DTNB: variants seen among roughly 807,000 people sequenced by gnomAD.
DTNB encodes the protein DTN-B.
Under a neutral mutation model 90.7 loss-of-function variants are expected in DTNB, and 63 were observed. That is an observed-to-expected ratio of 0.69 (90% confidence interval 0.57 to 0.86). The LOEUF (loss-of-function observed/expected upper bound fraction) is 0.86. Among genes scored for constraint, DTNB ranks in the 40% least tolerant of loss-of-function variants. The probability of loss-of-function intolerance (pLI) is 0.00; values close to 1 mark genes in which losing one functional copy is unlikely to be tolerated. For missense variants in DTNB, 744 were observed against 807.1 expected, an observed-to-expected ratio of 0.92 and a Z score of 0.95; for synonymous variants, 277 against 286.7, an observed-to-expected ratio of 0.97 and a Z score of 0.34.
intron 10 of DTNB, among the ~76,000 whole-genome samples, chr2:25,459,400 C>T (rs183858285): frequency 2.0e-5 from 3 of 151,870 alleles, no homozygotes; most frequent in East Asian, 1.9e-4. Flanking sequence ...TCATTTCGGA[C>T]GTTATCCCTT....
chr2:25,672,421 T>C (rs964771768), intron 1 of DTNB, among the ~76,000 whole-genome samples: 24 of 152,114 alleles, frequency 1.6e-4, no homozygotes, highest in African/African-American at 5.6e-4. Context: ...TCAATAGTCA[T>C]GGAGCTTATT....
chr2:25,535,149 C>T (rs1373383422), intron 8 of DTNB, among the ~76,000 whole-genome samples: 2 of 139,584 alleles, frequency 1.4e-5, no homozygotes, highest in Non-Finnish European at 3.1e-5. Context: ...CCATTCGGGG[C>T]AACCGGGCAG....
Position 25,387,193 on chromosome 2 carries a change from T to C in DTNB, c.1825+96A>G. The C allele has an allele frequency of 8.5e-7, 1 of 1,178,906 alleles. No homozygotes were observed. Among genetic ancestry groups the C allele is most frequent in the Non-Finnish European group, 1.2e-6 (1 of 822,182 alleles). The allele number at this position is 1,178,906 out of a possible 1,614,324, so 73.0% of individuals were successfully genotyped here. ...GGTGATGAAATGGGGTGGTGCAAGC[T>C]GGGTGGTGAGGTTCTGCCGGTGCTG... On this transcript the variant is annotated intron_variant, in intron 18 of 20. Transcript: ENST00000406818. This position sits in a 1 kb window ranked among gnomAD's most constrained non-coding sequence, Gnocchi z 4.5.
intron 8 of DTNB, among the ~76,000 whole-genome samples, chr2:25,540,564 G>A (rs907193353): frequency 6.6e-6 from 1 of 151,992 alleles, no homozygotes; most frequent in African/African-American, 2.4e-5. Context: ...TACAGTTCAG[G>A]GCCATGATGA....
At position 25,589,367 on chromosome 2, in the gene DTNB, C is replaced by CTTTTTTTTT. The variant is rs1169808182; in HGVS notation, c.603+6710_603+6718dup. Reference sequence around the variant, plus strand: ...GCTTATTCAGGTTTCTTTTTCTTTTCTTTTTTTTTTTTTTTTTTTTTTTTT... The same window carrying CTTTTTTTTT: ...GCTTATTCAGGTTTCTTTTTCTTTTCTTTTTTTTTTTTTTTTTTTTTTTTTTTTTTTTTT... On this transcript the variant is annotated intron_variant, in intron 6 of 20. Transcript: ENST00000406818. Among the ~76,000 whole-genome samples, 158 of 57,546 alleles carry CTTTTTTTTT rather than the reference C, an allele frequency of 2.7e-3. 29 individuals carry two copies. The highest frequency in any genetic ancestry group is 8.6e-3 in the East Asian group (14 of 1,632). 37.8% of individuals were successfully genotyped at this position (57,546 alleles called of 152,430 possible). A position where few individuals can be genotyped will look rare whatever the true frequency, so the allele number is the denominator to read the frequency against.
chr2:25,517,358 G>A (rs981034541), intron 9 of DTNB, among the ~76,000 whole-genome samples: 2 of 152,038 alleles, frequency 1.3e-5, no homozygotes, highest in African/African-American at 2.4e-5. Context: ...CAGGATGGTG[G>A]CAATGGTTGC....
chr2:25,637,801 C>T (rs1366256373), intron 3 of DTNB, among the ~76,000 whole-genome samples: 4 of 152,128 alleles, frequency 2.6e-5, no homozygotes, highest in Admixed American at 6.5e-5. Flanking sequence ...GACAGTGTGG[C>T]GATTCCTCAA....
intron 8 of DTNB, among the ~76,000 whole-genome samples, chr2:25,573,701 C>A (rs2060222263): frequency 6.6e-6 from 1 of 152,156 alleles, no homozygotes; most frequent in South Asian, 2.1e-4. Flanking sequence ...GACACATTTA[C>A]CAAATTGGTT....
intron 9 of DTNB, among the ~76,000 whole-genome samples, chr2:25,508,277 A>C (rs2072993488): frequency 6.6e-6 from 1 of 152,216 alleles, no homozygotes; most frequent in Non-Finnish European, 1.5e-5. Context: ...TGATAAACAG[A>C]GAAAATCTGA....
chr2:25,619,966 G>A (rs1350668034), intron 4 of DTNB, among the ~76,000 whole-genome samples: 2 of 152,098 alleles, frequency 1.3e-5, no homozygotes, highest in Non-Finnish European at 2.9e-5. Context: ...CTTGAACCCG[G>A]GAGGCGGAGG....
intron 12 of DTNB, among the ~76,000 whole-genome samples, chr2:25,445,574 T>G (rs2150081434): frequency 6.6e-6 from 1 of 152,342 alleles, no homozygotes; most frequent in East Asian, 1.9e-4. Context: ...CTGGTTTGTT[T>G]AATATGGTCC....
At chr2:25,522,836 G>T (rs556417944) in intron 9 of DTNB, among the ~76,000 whole-genome samples, 3 of 151,892 alleles carry the variant, frequency 2.0e-5, no homozygotes, top group African/African-American at 7.3e-5. Flanking sequence ...AAGTAGCTGG[G>T]ATTACAGGGG....
intron 9 of DTNB, among the ~76,000 whole-genome samples, chr2:25,491,260 T>C (rs2150465524): frequency 6.6e-6 from 1 of 152,144 alleles, no homozygotes; most frequent in Non-Finnish European, 1.5e-5. Flanking sequence ...GTAGAAAACC[T>C]GTGAAATGGT....
intron 8 of DTNB, 122 bp downstream of exon 8, chr2:25,576,716 T>C: frequency 4.1e-6 from 5 of 1,205,548 alleles, no homozygotes; most frequent in Non-Finnish European, 5.5e-6. Flanking sequence ...TAAATGTTAG[T>C]GTTAAGATTT....
chr2:25,488,462 T>C (rs2066662486), intron 9 of DTNB, among the ~76,000 whole-genome samples: 1 of 151,722 alleles, frequency 6.6e-6, no homozygotes, highest in South Asian at 2.1e-4. Context: ...GTGAATAGGA[T>C]TTGAGTTTTG....
At chr2:25,388,938 C>T (rs2040328791) in intron 16 of DTNB, among the ~76,000 whole-genome samples, 1 of 151,998 alleles carries the variant, frequency 6.6e-6, no homozygotes, top group South Asian at 2.1e-4. Context: ...CCTCCGCCTC[C>T]CAGGTTCAAG....
chr2:25,501,834 A>T (rs551027440), intron 9 of DTNB, among the ~76,000 whole-genome samples: 1 of 152,182 alleles, frequency 6.6e-6, no homozygotes, highest in Non-Finnish European at 1.5e-5. Context: ...TTAAATAGAA[A>T]CTCAAAAAGC....
intron 9 of DTNB, among the ~76,000 whole-genome samples, chr2:25,501,410 C>T (rs2070668898): frequency 6.6e-6 from 1 of 152,092 alleles, no homozygotes; most frequent in South Asian, 2.1e-4. Context: ...GATGGAGACT[C>T]GCTCTGTCGC....
intron 16 of DTNB, among the ~76,000 whole-genome samples, chr2:25,412,603 TAA>T (rs1198754817): frequency 6.6e-6 from 1 of 152,222 alleles, no homozygotes; most frequent in Admixed American, 6.5e-5. Flanking sequence ...AAAGTCTTTT[TAA>T]GTCTTTAAGC....
Sources: gnomAD v4.1 joint callset for allele counts (sites outside exome capture counted in the v4.1 genomes callset) on GRCh38, gnomAD v4.1.1 for gene constraint, Gnocchi (gnomAD v3.1) non-coding constraint, MANE v1.5 for transcripts, NCBI Gene and HGNC (gene_info 2026-07-23, HGNC 2026-07-21) for gene names.